Variants in CACUL1 observed in about 807,000 individuals in gnomAD.
CACUL1 encodes CDK2-associated and cullin domain-containing protein 1.
Under a neutral mutation model 45.2 loss-of-function variants are expected in CACUL1, and 13 were observed. The ratio of observed to expected loss-of-function variants is 0.29; its 90% confidence interval spans 0.19 to 0.46. The LOEUF (loss-of-function observed/expected upper bound fraction) is 0.46, where lower values mean the gene tolerates loss of function less well. Among genes scored for constraint, CACUL1 ranks in the 20% least tolerant of loss-of-function variants. The pLI, the probability that CACUL1 is intolerant of heterozygous loss-of-function variation, is 1.00. For synonymous variants in CACUL1, 197 were observed against 174.2 expected (o/e 1.13, Z -1.03); for missense variants, 421 against 471.4 (o/e 0.89, Z 0.99).
chr10:118,754,908 C>A lies in CACUL1; in HGVS notation c.-146G>T, dbSNP rs1343135297. 5.1e-6 allele frequency: 6 copies of A among 1,168,424 alleles called. No individual in the cohort carries two copies. The African/African-American group carries it at 8.1e-5, about 16-fold the overall frequency. 72.4% of individuals were successfully genotyped at this position (1,168,424 alleles called of 1,614,324 possible). A position where few individuals can be genotyped will look rare whatever the true frequency, so the allele number is the denominator to read the frequency against. Reference sequence around the variant, plus strand: ...GAGGGCTGCGGTGCGCAGGGTCTCTCGCTCTCCGCGGGGCCGACTAGCTTG... The same window carrying A: ...GAGGGCTGCGGTGCGCAGGGTCTCTAGCTCTCCGCGGGGCCGACTAGCTTG... On this transcript the variant is annotated 5_prime_UTR_variant, in exon 1 of 9. Coordinates refer to ENST00000369151, the MANE Select transcript of CACUL1 (RefSeq NM_153810.5).
Position 118,754,378 on chromosome 10 carries a change from G to C in CACUL1, c.367+18C>G, listed in dbSNP as rs1205932540. 4.6e-6 allele frequency: 7 copies of C among 1,512,882 alleles called. No individual in the cohort carries two copies. The African/African-American group carries it at 8.5e-5, about 18-fold the overall frequency. The allele number at this position is 1,512,882 out of a possible 1,614,324, so 93.7% of individuals were successfully genotyped here. A position where few individuals can be genotyped will look rare whatever the true frequency, so the allele number is the denominator to read the frequency against. ...GAGGTGGAGAAAAGCCAAGGCTGCA[G>C]GGAAAGGCTGGACTCACAGAACTTG... is the stretch of plus-strand genomic sequence containing the variant. On this transcript the variant is annotated intron_variant, in intron 1 of 8. Transcript: ENST00000369151.
rs1845118368 is a variant in CACUL1 at position 118,678,452 on chromosome 10, A to G, written c.*7676T>C. 6.6e-6 allele frequency: 1 copy of G among 152,202 alleles called. No homozygotes were observed. Among genetic ancestry groups the G allele is most frequent in the African/African-American group, 2.4e-5 (1 of 41,444 alleles). The allele number at this position is 152,202 out of a possible 1,614,324, so 9.4% of individuals were successfully genotyped here. On this transcript the variant is annotated 3_prime_UTR_variant, in exon 9 of 9. Coordinates refer to ENST00000369151, the MANE Select transcript of CACUL1 (RefSeq NM_153810.5). ...CAATCCATTCAGAAAGGTCTTGGAT[A>G]TCCTTGGCCCTTTGCTCTTCCATTT... is the stretch of plus-strand genomic sequence containing the variant.
chr10:118,695,286 C>T, intron 5 of CACUL1, 56 bp from the exon 6 acceptor site: 1 of 966,564 alleles, frequency 1.0e-6, no homozygotes. Flanking sequence ...GTCAAGATTT[C>T]TCTATTACTG....
intron 5 of CACUL1, among the ~76,000 whole-genome samples, chr10:118,701,080 AG>A (rs1845375257): frequency 6.6e-6 from 1 of 152,172 alleles, no homozygotes; most frequent in Non-Finnish European, 1.5e-5. Flanking sequence ...GGCAGACACA[AG>A]GGCACTGTCC....
Position 118,676,839 on chromosome 10 carries a change from TACACAC to T in CACUL1, c.*9283_*9288del, listed in dbSNP as rs55641894. 0.3 allele frequency: 45,108 copies of T among 149,760 alleles called. 6,731 individuals are homozygous for T. Among genetic ancestry groups the T allele is most frequent in the Middle Eastern group, 0.38 (110 of 292 alleles). The allele number at this position is 149,760 out of a possible 1,614,324, so 9.3% of individuals were successfully genotyped here. A position where few individuals can be genotyped will look rare whatever the true frequency, so the allele number is the denominator to read the frequency against. ...ACATTTTAAAATATATATGTCTATG[TACACAC>T]ACACACACACACACACACACACACA... On this transcript the variant is annotated 3_prime_UTR_variant, in exon 9 of 9. Coordinates refer to ENST00000369151, the MANE Select transcript of CACUL1 (RefSeq NM_153810.5).
chr10:118,701,941 TCTC>T (rs1845384025), intron 4 of CACUL1, among the ~76,000 whole-genome samples: 1 of 151,930 alleles, frequency 6.6e-6, no homozygotes, highest in Non-Finnish European at 1.5e-5. Flanking sequence ...GAGGGAAAAA[TCTC>T]CTGCAGTCAT....
intron 1 of CACUL1, 60 bp from the exon 2 acceptor site, chr10:118,730,470 A>T: frequency 6.7e-7 from 1 of 1,496,048 alleles, no homozygotes; most frequent in Non-Finnish European, 9.1e-7. Flanking sequence ...AACACAAATC[A>T]CAGCCATTTT....
intron 4 of CACUL1, among the ~76,000 whole-genome samples, chr10:118,702,228 G>A (rs1166807335): frequency 6.6e-6 from 1 of 152,040 alleles, no homozygotes; most frequent in Non-Finnish European, 1.5e-5. Flanking sequence ...CTATAAAACT[G>A]CCCCAGCTCA....
chr10:118,721,946 G>A (rs1264408840), intron 3 of CACUL1, among the ~76,000 whole-genome samples: 1 of 152,110 alleles, frequency 6.6e-6, no homozygotes, highest in Non-Finnish European at 1.5e-5. Flanking sequence ...ATGAGGAAGT[G>A]TCATTTAAGA....
chr10:118,754,049 G>A (rs1404981765), intron 1 of CACUL1, among the ~76,000 whole-genome samples: 1 of 152,186 alleles, frequency 6.6e-6, no homozygotes, highest in Non-Finnish European at 1.5e-5. Context: ...TCACTTTGAG[G>A]GTGAAACTTC....
At chr10:118,690,996 A>C (rs578104578) in intron 7 of CACUL1, among the ~76,000 whole-genome samples, 10 of 152,332 alleles carry the variant, frequency 6.6e-5, no homozygotes, top group Admixed American at 5.9e-4. Context: ...GGTTGTGGTA[A>C]GCCGAGATTG....
intron 1 of CACUL1, among the ~76,000 whole-genome samples, chr10:118,746,010 G>C (rs1306902358): frequency 6.6e-6 from 1 of 151,726 alleles, no homozygotes; most frequent in Non-Finnish European, 1.5e-5. Flanking sequence ...AAATTAGCTG[G>C]GCGTGGTGGC....
rs578230414 is a variant in CACUL1, at chr10:118,722,553, C to T, written c.597+6742G>A. 3.9e-5 allele frequency among the ~76,000 whole-genome samples: 6 copies of T among 152,286 alleles called. No individual in the cohort carries two copies. In the East Asian group the frequency reaches 9.6e-4, roughly 24 times the overall value. Reference sequence around the variant, plus strand: ...CCATCTGTCAGACACTTAGCCATCTCGGTTATCAGTTCAACTGTCACGATT... The same window carrying T: ...CCATCTGTCAGACACTTAGCCATCTTGGTTATCAGTTCAACTGTCACGATT... On this transcript the variant is annotated intron_variant, in intron 3 of 8. Coordinates refer to ENST00000369151, the MANE Select transcript of CACUL1 (RefSeq NM_153810.5).
rs1308026197 is a variant in CACUL1, at chr10:118,677,459, T to G, written c.*8669A>C. On this transcript the variant is annotated 3_prime_UTR_variant, in exon 9 of 9. Coordinates refer to ENST00000369151, the MANE Select transcript of CACUL1 (RefSeq NM_153810.5). Reference sequence around the variant, plus strand: ...GTTCATATTATGAAGTGCTTCCAAGTCCCCGTTCTCCCCTCTGTTCTCATT... The same window carrying G: ...GTTCATATTATGAAGTGCTTCCAAGGCCCCGTTCTCCCCTCTGTTCTCATT... 2 of 152,166 alleles carry G rather than the reference T, an allele frequency of 1.3e-5. No individual in the cohort carries two copies. The highest frequency in any genetic ancestry group is 2.4e-5 in the African/African-American group (1 of 41,428). 9.4% of individuals were successfully genotyped at this position (152,166 alleles called of 1,614,324 possible).
chr10:118,729,172 G>GA lies in CACUL1; in HGVS notation c.597+122dup, dbSNP rs890583807. 4.6e-6 allele frequency: 3 copies of GA among 653,892 alleles called. No individual in the cohort carries two copies. The African/African-American group carries it at 5.6e-5, about 12-fold the overall frequency. The allele number at this position is 653,892 out of a possible 1,614,324, so 40.5% of individuals were successfully genotyped here. A position where few individuals can be genotyped will look rare whatever the true frequency, so the allele number is the denominator to read the frequency against. On this transcript the variant is annotated intron_variant, in intron 3 of 8. Transcript: ENST00000369151. ...ACATGATTTGATCAACATTCACCTA[G>GA]AAAACATTTATAAATTTATATCATA...
At chr10:118,717,867 AG>A (rs1264182865) in intron 3 of CACUL1, among the ~76,000 whole-genome samples, 1 of 152,190 alleles carries the variant, frequency 6.6e-6, no homozygotes, top group African/African-American at 2.4e-5. Context: ...CATCCTCCAT[AG>A]CAAGATGTGC....
Position 118,716,854 on chromosome 10 carries a change from G to A in CACUL1, c.598-9267C>T, listed in dbSNP as rs550313574. Among the ~76,000 whole-genome samples the A allele has an allele frequency of 3.9e-3, 601 of 152,162 alleles. 5 individuals carry two copies. Among genetic ancestry groups the A allele is most frequent in the African/African-American group, 0.012 (494 of 41,502 alleles). On this transcript the variant is annotated intron_variant, in intron 3 of 8. Transcript: ENST00000369151. ...CCTGACTTCATGATCCACCCGCCTCGGCCTCCCAAAGTGCTGGGATTACAG... is the reference window on the plus strand; with the variant it reads ...CCTGACTTCATGATCCACCCGCCTCAGCCTCCCAAAGTGCTGGGATTACAG...
At chr10:118,712,167 T>C (rs1248204303) in intron 3 of CACUL1, among the ~76,000 whole-genome samples, 1 of 152,240 alleles carries the variant, frequency 6.6e-6, no homozygotes, top group Non-Finnish European at 1.5e-5. Flanking sequence ...GAAACCCCTC[T>C]GGCAGGTGGC....
At chr10:118,715,639 T>C (rs1845535006) in intron 3 of CACUL1, among the ~76,000 whole-genome samples, 1 of 152,200 alleles carries the variant, frequency 6.6e-6, no homozygotes, top group East Asian at 1.9e-4. Flanking sequence ...AACTGGACAA[T>C]GCAGATGTAA....
Sources: allele counts gnomAD v4.1 joint callset (sites outside exome capture counted in the v4.1 genomes callset), GRCh38; gene constraint gnomAD v4.1.1; transcripts MANE v1.5; gene names NCBI Gene and HGNC (gene_info 2026-07-23, HGNC 2026-07-21).